SLC9A9: variants seen among roughly 807,000 people sequenced by gnomAD.
SLC9A9 encodes sodium/hydrogen exchanger 9.
SLC9A9 carries 62 observed loss-of-function variants against 77.8 expected under a neutral mutation model. The ratio of observed to expected loss-of-function variants is 0.80; its 90% confidence interval spans 0.65 to 0.98. The LOEUF is 0.98. Ranked by LOEUF, SLC9A9 falls within the 50% of genes least tolerant of loss-of-function variation. SLC9A9 has a pLI of 0.00. For synonymous variants in SLC9A9, 320 were observed against 283.5 expected, an observed-to-expected ratio of 1.13 and a Z score of -1.29; for missense variants, 775 against 774.9, an observed-to-expected ratio of 1.00 and a Z score of 0.00.
At chr3:143,585,377 GA>G (rs1199421278) in intron 6 of SLC9A9, among the ~76,000 whole-genome samples, 2 of 152,132 alleles carry the variant, frequency 1.3e-5, no homozygotes, top group East Asian at 3.9e-4. Flanking sequence ...ATATTCAGTG[GA>G]AGGCTGATCA....
rs182712177 is a variant in SLC9A9, at chr3:143,415,592, C to A, written c.1470-33478G>T. Among the ~76,000 whole-genome samples, 5 of 152,272 alleles carry A rather than the reference C, an allele frequency of 3.3e-5. No individual in the cohort carries two copies. The East Asian group carries it at 9.6e-4, about 29-fold the overall frequency. Reference sequence around the variant, plus strand: ...AACATTTTAAGCCCACTATTGAGATCTACTGCTCAGAAAAAGATTCCTTTC... The same window carrying A: ...AACATTTTAAGCCCACTATTGAGATATACTGCTCAGAAAAAGATTCCTTTC... On this transcript the variant is annotated intron_variant, in intron 12 of 15. Transcript: ENST00000316549.
At chr3:143,405,453 G>A (rs1461719485) in intron 12 of SLC9A9, among the ~76,000 whole-genome samples, 1 of 152,168 alleles carries the variant, frequency 6.6e-6, no homozygotes, top group African/African-American at 2.4e-5. Flanking sequence ...CCTCTGAGCA[G>A]AAGCTGGGAG....
chr3:143,843,933 C>T (rs1332272029), intron 1 of SLC9A9, among the ~76,000 whole-genome samples: 7 of 152,080 alleles, frequency 4.6e-5, no homozygotes, highest in Admixed American at 4.6e-4. Context: ...GATTCTAATC[C>T]TTCAATTTTG....
At chr3:143,754,112 G>T (rs2006843512) in intron 4 of SLC9A9, among the ~76,000 whole-genome samples, 1 of 152,136 alleles carries the variant, frequency 6.6e-6, no homozygotes, top group Middle Eastern at 3.2e-3. Flanking sequence ...TCCAGACAAA[G>T]GTATGGAGAA....
At chr3:143,563,626 G>C (rs761366459) in intron 8 of SLC9A9, among the ~76,000 whole-genome samples, 1 of 152,078 alleles carries the variant, frequency 6.6e-6, no homozygotes, top group African/African-American at 2.4e-5. Flanking sequence ...GGAAGAAAAC[G>C]TAAGATCATC....
At chr3:143,495,106 A>G (rs925174487) in intron 10 of SLC9A9, among the ~76,000 whole-genome samples, 8 of 152,080 alleles carry the variant, frequency 5.3e-5, no homozygotes, top group African/African-American at 1.7e-4. Flanking sequence ...TTCCCTCTTT[A>G]TTTCCACAGT....
chr3:143,609,435 CAATCT>C (rs2037982136), intron 6 of SLC9A9, among the ~76,000 whole-genome samples: 1 of 152,086 alleles, frequency 6.6e-6, no homozygotes, highest in Non-Finnish European at 1.5e-5. Flanking sequence ...ATTGTTTACA[CAATCT>C]AGTATTTGGG....
At chr3:143,294,479 T>A (rs2030161598) in intron 14 of SLC9A9, among the ~76,000 whole-genome samples, 1 of 152,234 alleles carries the variant, frequency 6.6e-6, no homozygotes, top group Non-Finnish European at 1.5e-5. Flanking sequence ...AAGAGCCTGC[T>A]TCAGACAAAA....
chr3:143,553,842 A>G (rs1465712750), intron 8 of SLC9A9, among the ~76,000 whole-genome samples: 2 of 152,222 alleles, frequency 1.3e-5, no homozygotes, highest in Non-Finnish European at 2.9e-5. Context: ...CAGAAATTCT[A>G]AGGCAAAAAT....
chr3:143,318,570 T>A (rs1043979014), intron 14 of SLC9A9, among the ~76,000 whole-genome samples: 6 of 152,162 alleles, frequency 3.9e-5, no homozygotes, highest in African/African-American at 1.4e-4. Context: ...TCGGGAAGCA[T>A]GAAGTGGCCC....
At chr3:143,663,742 T>C (rs529958857) in intron 5 of SLC9A9, among the ~76,000 whole-genome samples, 1 of 151,916 alleles carries the variant, frequency 6.6e-6, no homozygotes, top group South Asian at 2.1e-4. Context: ...ATTAATGACA[T>C]GAAGTGAGAA....
rs548701254 is a variant in SLC9A9 at position 143,815,844 on chromosome 3, G to A, written c.378+16175C>T. ...TCGTGCCACTGCACTCCAGCCTGGT[G>A]ACAGAGCAAGATTCCATCTCAAAAA... On this transcript the variant is annotated intron_variant, in intron 2 of 15. Transcript: ENST00000316549. Among the ~76,000 whole-genome samples, 66 of 152,162 alleles carry A rather than the reference G, an allele frequency of 4.3e-4. 1 individual carries two copies. The highest frequency in any genetic ancestry group is 1.3e-3 in the African/African-American group (55 of 41,510).
chr3:143,607,639 G>A (rs1291918668), intron 6 of SLC9A9, among the ~76,000 whole-genome samples: 1 of 151,910 alleles, frequency 6.6e-6, no homozygotes, highest in East Asian at 1.9e-4. Flanking sequence ...AATAATGGAA[G>A]AAACTAGAAA....
intron 6 of SLC9A9, among the ~76,000 whole-genome samples, chr3:143,640,105 T>C (rs533977204): frequency 6.8e-6 from 1 of 147,116 alleles, no homozygotes; most frequent in South Asian, 2.2e-4. Flanking sequence ...CACTGCAAGC[T>C]CCACCTCCCG....
At chr3:143,409,375 C>T (rs1391645234) in intron 12 of SLC9A9, among the ~76,000 whole-genome samples, 1 of 152,192 alleles carries the variant, frequency 6.6e-6, no homozygotes, top group Non-Finnish European at 1.5e-5. Context: ...TTGAGGTCTC[C>T]ATATTATAAG....
intron 4 of SLC9A9, among the ~76,000 whole-genome samples, chr3:143,771,384 A>G (rs16854263): frequency 0.018 from 2,745 of 152,288 alleles, 75 homozygotes; most frequent in African/African-American, 0.063. Context: ...TCAACTGTGT[A>G]TAGTGTATGA....
At chr3:143,394,861 G>A (rs984520074) in intron 12 of SLC9A9, among the ~76,000 whole-genome samples, 1 of 152,080 alleles carries the variant, frequency 6.6e-6, no homozygotes, top group Non-Finnish European at 1.5e-5. Flanking sequence ...GCTTCAAAGA[G>A]AATAAAATAC....
At chr3:143,567,642 C>G (rs1480919068) in intron 8 of SLC9A9, among the ~76,000 whole-genome samples, 2 of 152,078 alleles carry the variant, frequency 1.3e-5, no homozygotes, top group Non-Finnish European at 2.9e-5. Context: ...GTGCAATTTC[C>G]AAGAGACTGA....
intron 8 of SLC9A9, among the ~76,000 whole-genome samples, chr3:143,570,745 CA>C (rs2037243146): frequency 6.6e-6 from 1 of 151,804 alleles, no homozygotes; most frequent in African/African-American, 2.4e-5. Flanking sequence ...TAGATATATG[CA>C]TGCACGAGTA....
Sources: allele counts gnomAD v4.1 joint callset (sites outside exome capture counted in the v4.1 genomes callset), GRCh38; gene constraint gnomAD v4.1.1; transcripts MANE v1.5; gene names NCBI Gene and HGNC (gene_info 2026-07-23, HGNC 2026-07-21).